TRAF3: variants seen among roughly 807,000 people sequenced by gnomAD.
TRAF3 encodes the protein TNF receptor associated factor 3.
In TRAF3, 13 loss-of-function variants were observed where a neutral mutation model predicts 62.3. The ratio of observed to expected loss-of-function variants is 0.21; its 90% confidence interval spans 0.14 to 0.33. The LOEUF (loss-of-function observed/expected upper bound fraction) is 0.33. Among genes scored for constraint, TRAF3 ranks in the 10% least tolerant of loss-of-function variants. The pLI, the probability that TRAF3 is intolerant of heterozygous loss-of-function variation, is 1.00. For missense variants in TRAF3, 440 were observed against 741.8 expected (o/e 0.59, Z 4.73); for synonymous variants, 269 against 283.4 (o/e 0.95, Z 0.51).
intron 9 of TRAF3, among the ~76,000 whole-genome samples, chr14:102,891,986 A>C (rs186224348): frequency 6.6e-6 from 1 of 152,082 alleles, no homozygotes; most frequent in Non-Finnish European, 1.5e-5. Flanking sequence ...ACACCTTGTG[A>C]AACTTGGTGC....
intron 9 of TRAF3, among the ~76,000 whole-genome samples, chr14:102,894,618 C>A (rs2139961456): frequency 6.6e-6 from 1 of 152,272 alleles, no homozygotes; most frequent in Non-Finnish European, 1.5e-5. Flanking sequence ...GAGTTGGATT[C>A]TTCGATTAAA....
intron 1 of TRAF3, among the ~76,000 whole-genome samples, chr14:102,781,906 C>T (rs531186491): frequency 6.6e-6 from 1 of 151,998 alleles, no homozygotes; most frequent in Admixed American, 6.6e-5. Flanking sequence ...GATTCTCCTG[C>T]CTCAGCCTCC....
At chr14:102,859,272 ATGTAAAAC>A (rs1887553381) in intron 2 of TRAF3, among the ~76,000 whole-genome samples, 2 of 151,628 alleles carry the variant, frequency 1.3e-5, no homozygotes, top group Admixed American at 1.3e-4. Flanking sequence ...CACACCTTGC[ATGTAAAAC>A]TGTTTTTCCA....
chr14:102,830,883 G>T (rs1172398331), intron 2 of TRAF3, among the ~76,000 whole-genome samples: 1 of 152,176 alleles, frequency 6.6e-6, no homozygotes, highest in African/African-American at 2.4e-5. Flanking sequence ...TATTTACTAA[G>T]GCAGGACAAC....
intron 6 of TRAF3, among the ~76,000 whole-genome samples, chr14:102,877,970 C>A (rs9324052): frequency 0.42 from 64,507 of 152,188 alleles, 18,838 homozygotes; most frequent in African/African-American, 0.83. Flanking sequence ...TCTAATAGGA[C>A]TAAAGAGAAA....
At chr14:102,782,356 C>G (rs1303536499) in intron 1 of TRAF3, among the ~76,000 whole-genome samples, 1 of 152,132 alleles carries the variant, frequency 6.6e-6, no homozygotes, top group Non-Finnish European at 1.5e-5. Context: ...GCCTTAGCCT[C>G]CTAAGTAGCT....
At chr14:102,787,644 G>A (rs903625898) in intron 1 of TRAF3, among the ~76,000 whole-genome samples, 2 of 152,010 alleles carry the variant, frequency 1.3e-5, no homozygotes, top group African/African-American at 2.4e-5. Flanking sequence ...CCGAGATGGC[G>A]CTACTGCACT....
At position 102,871,910 on chromosome 14, in the gene TRAF3, C is replaced by T. The variant is rs1346714660; in HGVS notation, c.246-7C>T. ...ACTCTAATGCAGTCACTTGTGTTTC[C>T]CTGCAGCTCTTCAAGTCCAAAATGT... On this transcript the variant is annotated splice_region_variant and splice_polypyrimidine_tract_variant and intron_variant, in intron 3 of 11. Transcript: ENST00000392745. The T allele has an allele frequency of 6.2e-7, 1 of 1,614,006 alleles. No individual in the cohort carries two copies. The highest frequency in any genetic ancestry group is 8.5e-7 in the Non-Finnish European group (1 of 1,179,904).
At chr14:102,893,011 A>T (rs926872252) in intron 9 of TRAF3, among the ~76,000 whole-genome samples, 5 of 152,134 alleles carry the variant, frequency 3.3e-5, no homozygotes, top group Non-Finnish European at 5.9e-5. Flanking sequence ...CTGTCTTTTT[A>T]AAATTATAGG....
intron 4 of TRAF3, among the ~76,000 whole-genome samples, chr14:102,873,196 G>T (rs1888443021): frequency 6.6e-6 from 1 of 152,244 alleles, no homozygotes; most frequent in Non-Finnish European, 1.5e-5. Flanking sequence ...ATTGCTGGTA[G>T]TCAGTGTCCC....
At chr14:102,836,012 G>A (rs918198839) in intron 2 of TRAF3, among the ~76,000 whole-genome samples, 1 of 152,208 alleles carries the variant, frequency 6.6e-6, no homozygotes, top group Non-Finnish European at 1.5e-5. Flanking sequence ...ACTGAGCTGT[G>A]ATTGTGCCAC....
intron 10 of TRAF3, among the ~76,000 whole-genome samples, chr14:102,897,964 A>T (rs1352510071): frequency 1.3e-5 from 2 of 152,222 alleles, no homozygotes; most frequent in Non-Finnish European, 2.9e-5. Context: ...CTGTCGTCAC[A>T]GGTGTCTGTG....
intron 1 of TRAF3, among the ~76,000 whole-genome samples, chr14:102,785,548 C>T (rs1897456673): frequency 6.6e-6 from 1 of 152,222 alleles, no homozygotes; most frequent in African/African-American, 2.4e-5. Flanking sequence ...CCTGGTCACT[C>T]TGCAGAGAGC....
chr14:102,808,512 CAAA>C (rs5811081), intron 1 of TRAF3, among the ~76,000 whole-genome samples: 21 of 134,126 alleles, frequency 1.6e-4, no homozygotes, highest in Non-Finnish European at 2.4e-4. Context: ...GACTCCATCT[CAAA>C]AAAAAAAAAA....
rs1337371167 is a variant in TRAF3, at chr14:102,886,106, C to A, written c.571-83C>A. 49 of 1,385,604 alleles carry A rather than the reference C, an allele frequency of 3.5e-5. 1 individual carries two copies. The South Asian group carries it at 4.1e-4, about 11-fold the overall frequency. 85.8% of individuals were successfully genotyped at this position (1,385,604 alleles called of 1,614,324 possible). A position where few individuals can be genotyped will look rare whatever the true frequency, so the allele number is the denominator to read the frequency against. On this transcript the variant is annotated intron_variant, in intron 6 of 11. Coordinates refer to ENST00000392745, the MANE Select transcript of TRAF3 (RefSeq NM_145725.3). ...ACAGCGATGGTGAGCAGAGCCATTC[C>A]TGGGGGCCCCATGGGGATCTCAGCG...
chr14:102,812,253 G>A lies in TRAF3; in HGVS notation c.-156-18081G>A, dbSNP rs1899229887. Among the ~76,000 whole-genome samples, 5 of 152,046 alleles carry A rather than the reference G, an allele frequency of 3.3e-5. No homozygotes were observed. In the Middle Eastern group the frequency reaches 0.017, roughly 517 times the overall value. ...CCACATGTATTAGTGAGAACATGTG[G>A]TGTTTAACTTTCTGTTTTTGGCTTA... On this transcript the variant is annotated intron_variant, in intron 1 of 11. Transcript: ENST00000392745.
In TRAF3 at chr14:102,891,224, C is replaced by T. The variant is rs529843465; in HGVS notation, c.727-101C>T. ...GTTCACTTGACGCAAATAGGTCTCCCCTCTTTGTGTTTAGTGCTGCTTTTA... is the reference window on the plus strand; with the variant it reads ...GTTCACTTGACGCAAATAGGTCTCCTCTCTTTGTGTTTAGTGCTGCTTTTA... On this transcript the variant is annotated intron_variant, in intron 8 of 11. Coordinates refer to ENST00000392745, the MANE Select transcript of TRAF3 (RefSeq NM_145725.3). 4.5e-6 allele frequency: 5 copies of T among 1,111,922 alleles called. No individual in the cohort carries two copies. In the East Asian group the frequency reaches 7.9e-5, roughly 18 times the overall value. 68.9% of individuals were successfully genotyped at this position (1,111,922 alleles called of 1,614,324 possible).
At chr14:102,866,850 AACAC>A (rs538121314) in intron 2 of TRAF3, among the ~76,000 whole-genome samples, 5,712 of 132,150 alleles carry the variant, frequency 0.043, 136 homozygotes, top group African/African-American at 0.063. Flanking sequence ...ATCTCTTGAA[AACAC>A]ACACACACAC....
At chr14:102,837,575 A>G (rs1208852584) in intron 2 of TRAF3, among the ~76,000 whole-genome samples, 1 of 152,138 alleles carries the variant, frequency 6.6e-6, no homozygotes, top group African/African-American at 2.4e-5. Context: ...CAGGTTGTGA[A>G]TGTCATATAT....
Sources: gnomAD v4.1 joint callset for allele counts (sites outside exome capture counted in the v4.1 genomes callset) on GRCh38, gnomAD v4.1.1 for gene constraint, MANE v1.5 for transcripts, NCBI Gene and HGNC (gene_info 2026-07-23, HGNC 2026-07-21) for gene names.